Variants in IL20RA observed in about 807,000 individuals in gnomAD.
The protein encoded by IL20RA is interleukin 20 receptor subunit alpha, also known as interleukin-20 receptor subunit alpha.
A neutral mutation model predicts 36.5 loss-of-function variants in IL20RA; 29 were observed. That is an observed-to-expected ratio of 0.79 (90% CI 0.59 to 1.08). The LOEUF (loss-of-function observed/expected upper bound fraction) is 1.08. Ranked by LOEUF, IL20RA falls within the 50% of genes least tolerant of loss-of-function variation. IL20RA has a pLI of 0.00. For synonymous variants in IL20RA, 279 were observed against 267.1 expected, an observed-to-expected ratio of 1.04 and a Z score of -0.43; for missense variants, 652 against 668.4, an observed-to-expected ratio of 0.98 and a Z score of 0.27.
intron 1 of IL20RA, among the ~76,000 whole-genome samples, chr6:137,040,899 CA>C (rs1776670332): frequency 6.6e-6 from 1 of 152,152 alleles, no homozygotes; most frequent in Non-Finnish European, 1.5e-5. Context: ...TGCATAATCT[CA>C]AAGTATCTCT....
At chr6:137,016,499 G>C (rs1222098072) in intron 2 of IL20RA, among the ~76,000 whole-genome samples, 1 of 152,132 alleles carries the variant, frequency 6.6e-6, no homozygotes, top group African/African-American at 2.4e-5. Context: ...TTGTTTCTCT[G>C]AAGATGGACA....
At chr6:137,033,760 G>C (rs1776379704) in intron 1 of IL20RA, among the ~76,000 whole-genome samples, 2 of 152,304 alleles carry the variant, frequency 1.3e-5, no homozygotes, top group South Asian at 4.1e-4. Context: ...CCGGTCACAG[G>C]TATTTCTTTG....
chr6:137,032,019 C>T (rs1385029160), intron 1 of IL20RA, among the ~76,000 whole-genome samples: 3 of 142,242 alleles, frequency 2.1e-5, no homozygotes, highest in African/African-American at 8.0e-5. Flanking sequence ...TGCCACTGCA[C>T]TCCAGCCTGG....
At chr6:137,028,826 A>G (rs1023033670) in intron 1 of IL20RA, among the ~76,000 whole-genome samples, 1 of 150,304 alleles carries the variant, frequency 6.7e-6, no homozygotes, top group Non-Finnish European at 1.5e-5. Flanking sequence ...TTCAGCTACA[A>G]TTATCTTCAG....
intron 2 of IL20RA, among the ~76,000 whole-genome samples, chr6:137,014,610 A>G (rs1775612505): frequency 6.6e-6 from 1 of 152,174 alleles, no homozygotes; most frequent in Non-Finnish European, 1.5e-5. Context: ...TGTGAAAAAT[A>G]TTGAGAGGTT....
intron 2 of IL20RA, among the ~76,000 whole-genome samples, chr6:137,012,629 A>C (rs537064669): frequency 1.3e-5 from 2 of 152,332 alleles, no homozygotes; most frequent in South Asian, 4.1e-4. Flanking sequence ...CACAAGCATG[A>C]ATGAATGATC....
chr6:137,020,217 A>G (rs1775847025), intron 1 of IL20RA, among the ~76,000 whole-genome samples: 1 of 152,164 alleles, frequency 6.6e-6, no homozygotes, highest in Non-Finnish European at 1.5e-5. Context: ...TGCCAAGAGG[A>G]ACGTTAGTGA....
chr6:137,021,665 CT>C (rs1172010166), intron 1 of IL20RA, among the ~76,000 whole-genome samples: 1 of 152,052 alleles, frequency 6.6e-6, no homozygotes, highest in African/African-American at 2.4e-5. Flanking sequence ...GAGACTCTGT[CT>C]CAAAAAATAA....
chr6:137,008,616 C>T lies in IL20RA; in HGVS notation c.707G>A (p.Cys236Tyr). 1.9e-6 allele frequency: 3 copies of T among 1,601,036 alleles called. No individual in the cohort carries two copies. Among genetic ancestry groups the T allele is most frequent in the Non-Finnish European group, 2.6e-6 (3 of 1,174,040 alleles). The change falls in exon 5 of 7, where the codon TGT (cysteine) becomes TAT (tyrosine). Residue 236 changes from cysteine (C) to tyrosine (Y), a missense_variant. Cys to Tyr is a radical substitution (Grantham distance 194). Coordinates refer to ENST00000316649, the MANE Select transcript of IL20RA (RefSeq NM_014432.4). ...PRRAQPSEKQ[C>Y]ARTLKDQSSE... Reference sequence around the variant, plus strand: ...AAGCTTACCTTTCAAAGTCCTGGCACACTGCTTCTCAGAAGGCTGAGCACG... The same window carrying T: ...AAGCTTACCTTTCAAAGTCCTGGCATACTGCTTCTCAGAAGGCTGAGCACG...
At chr6:137,036,783 A>G (rs548367770) in intron 1 of IL20RA, among the ~76,000 whole-genome samples, 1 of 152,340 alleles carries the variant, frequency 6.6e-6, no homozygotes, top group Admixed American at 6.5e-5. Context: ...TTGCCATGGC[A>G]GCCTTGAGAA....
rs141300704 is a variant in IL20RA, at chr6:137,019,178, G to A, written c.89-2075C>T. Among the ~76,000 whole-genome samples, 807 of 150,706 alleles carry A rather than the reference G, an allele frequency of 5.4e-3. 6 individuals carry two copies. The highest frequency in any genetic ancestry group is 0.018 in the African/African-American group (752 of 41,048). On this transcript the variant is annotated intron_variant, in intron 1 of 6. Coordinates refer to ENST00000316649, the MANE Select transcript of IL20RA (RefSeq NM_014432.4). Reference sequence around the variant, plus strand: ...GTCTCACTCTGTTGCCCATGCTGGAGTGCAGTGGCATGACCTCAGCTCACT... The same window carrying A: ...GTCTCACTCTGTTGCCCATGCTGGAATGCAGTGGCATGACCTCAGCTCACT...
chr6:137,002,478 A>G, intron 6 of IL20RA, 123 bp from the exon 7 acceptor site: 1 of 652,692 alleles, frequency 1.5e-6, no homozygotes, highest in Non-Finnish European at 2.6e-6. Flanking sequence ...ACTCATGTAA[A>G]TGAAAGTTAT....
intron 1 of IL20RA, among the ~76,000 whole-genome samples, chr6:137,041,601 A>C (rs276513): frequency 0.21 from 31,312 of 152,078 alleles, 3,538 homozygotes; most frequent in Non-Finnish European, 0.26. Context: ...TTCTCAGTGA[A>C]ATAAAATACG....
intron 1 of IL20RA, among the ~76,000 whole-genome samples, chr6:137,041,881 G>A (rs752647387): frequency 1.4e-4 from 21 of 151,714 alleles, no homozygotes; most frequent in African/African-American, 1.9e-4. Context: ...TCTTACATAG[G>A]TATACATGTG....
chr6:137,002,017 A>G lies in IL20RA; in HGVS notation c.1203T>C (p.Tyr401=). ...TIPPDKTVIE[Y]EYDVRTTDIC... is the part of the protein sequence containing the mutation. The stretch of plus-strand genomic sequence containing the variant: ...TGTCAGTGGTTCTGACATCATATTC[A>G]TATTCAATGACTGTTTTATCCGGGG... Residue 401 remains tyrosine, a synonymous_variant, in exon 7 of 7, where the codon TAT becomes TAC. Coordinates refer to ENST00000316649, the MANE Select transcript of IL20RA (RefSeq NM_014432.4). 6.2e-7 allele frequency: 1 copy of G among 1,614,162 alleles called. No individual in the cohort carries two copies. Among genetic ancestry groups the G allele is most frequent in the Non-Finnish European group, 8.5e-7 (1 of 1,180,026 alleles).
chr6:137,025,649 A>G (rs1278379425), intron 1 of IL20RA, among the ~76,000 whole-genome samples: 1 of 152,218 alleles, frequency 6.6e-6, no homozygotes, highest in Non-Finnish European at 1.5e-5. Context: ...TAAATTTATC[A>G]TTAGTGGAGT....
rs574463219 is a variant in IL20RA, at chr6:137,014,067, C to T, written c.225-2615G>A. ...TAATGGATAAGGAGGCAAGGACATGCTCACGAGCCTTTTCTCTGCAAAGTG... is the reference window on the plus strand; with the variant it reads ...TAATGGATAAGGAGGCAAGGACATGTTCACGAGCCTTTTCTCTGCAAAGTG... On this transcript the variant is annotated intron_variant, in intron 2 of 6. Coordinates refer to ENST00000316649, the MANE Select transcript of IL20RA (RefSeq NM_014432.4). 1.9e-4 allele frequency among the ~76,000 whole-genome samples: 29 copies of T among 152,324 alleles called. No homozygotes were observed. In the South Asian group the frequency reaches 5.8e-3, roughly 30 times the overall value.
intron 2 of IL20RA, among the ~76,000 whole-genome samples, chr6:137,013,913 A>G (rs1775582151): frequency 6.6e-6 from 1 of 152,236 alleles, no homozygotes; most frequent in East Asian, 1.9e-4. Flanking sequence ...TTTTAAAAAC[A>G]TATTTTTAAA....
chr6:137,015,358 CTCT>C (rs1775646682), intron 2 of IL20RA, among the ~76,000 whole-genome samples: 1 of 152,146 alleles, frequency 6.6e-6, no homozygotes, highest in Non-Finnish European at 1.5e-5. Context: ...GTCTTAGAAA[CTCT>C]TCTTTCACTG....
Sources: allele counts gnomAD v4.1 joint callset (sites outside exome capture counted in the v4.1 genomes callset), GRCh38; gene constraint gnomAD v4.1.1; transcripts MANE v1.5; gene names NCBI Gene and HGNC (gene_info 2026-07-23, HGNC 2026-07-21).